SLC10A6: variants seen among roughly 807,000 people sequenced by gnomAD.
SLC10A6 encodes solute carrier family 10 member 6.
In SLC10A6, 27 loss-of-function variants were observed where a neutral mutation model predicts 30.0. The ratio of observed to expected loss-of-function variants is 0.90; its 90% CI spans 0.66 to 1.24. SLC10A6 has a LOEUF of 1.24. Ranked by LOEUF, SLC10A6 falls within the 50% of genes most tolerant of loss-of-function variation. The pLI is 0.00. For missense variants in SLC10A6, 439 were observed against 457.0 expected (o/e 0.96, Z 0.36); for synonymous variants, 166 against 173.8 (o/e 0.95, Z 0.36).
At chr4:86,831,663 G>C in intron 3 of SLC10A6, 129 bp downstream of exon 3, 1 of 736,048 alleles carries the variant, frequency 1.4e-6, no homozygotes, top group East Asian at 2.7e-5. Context: ...AAAACCACAG[G>C]ATGTGTAAGA....
chr4:86,836,110 C>T (rs570415083), intron 1 of SLC10A6, among the ~76,000 whole-genome samples: 4 of 152,250 alleles, frequency 2.6e-5, no homozygotes, highest in African/African-American at 9.6e-5. Flanking sequence ...ACAACTGAGA[C>T]CATCAGAAGG....
chr4:86,834,466 T>C (rs1019845873), intron 1 of SLC10A6, among the ~76,000 whole-genome samples: 2 of 152,252 alleles, frequency 1.3e-5, no homozygotes, highest in Non-Finnish European at 2.9e-5. Context: ...TCATTCTTTT[T>C]ATGTCCTTAT....
In SLC10A6 at chr4:86,837,343, A is replaced by AAGGAAGGAAGGAAGGAAGGAAGGC. The variant is rs58692864; in HGVS notation, c.378-3920_378-3919insGCCTTCCTTCCTTCCTTCCTTCCT. On this transcript the variant is annotated intron_variant, in intron 1 of 5. Transcript: ENST00000273905. ...GAAGGAAGGAAGGAAGGAAGGAAGG[A>AAGGAAGGAAGGAAGGAAGGAAGGC]AGGCAGGCAGGCAGGCTGGGATTTG... Among the ~76,000 whole-genome samples, 41 of 102,986 alleles carry AAGGAAGGAAGGAAGGAAGGAAGGC rather than the reference A, an allele frequency of 4.0e-4. 3 individuals carry two copies. Among genetic ancestry groups the AAGGAAGGAAGGAAGGAAGGAAGGC allele is most frequent in the Non-Finnish European group, 6.8e-4 (34 of 49,700 alleles). The allele number at this position is 102,986 out of a possible 152,430, so 67.6% of individuals were successfully genotyped here.
At chr4:86,831,355 A>G (rs1244632210) in intron 3 of SLC10A6, among the ~76,000 whole-genome samples, 1 of 152,132 alleles carries the variant, frequency 6.6e-6, no homozygotes, top group Non-Finnish European at 1.5e-5. Context: ...TTTGGCCGTG[A>G]CCCCAGGAAT....
chr4:86,842,854 C>CTTTCTT (rs1746324887), intron 1 of SLC10A6, among the ~76,000 whole-genome samples: 3 of 32,566 alleles, frequency 9.2e-5, no homozygotes, highest in East Asian at 1.2e-3. Context: ...TTCTTTCTTT[C>CTTTCTT]TTTCTTTCTT....
At chr4:86,833,809 A>T (rs1718481273) in intron 1 of SLC10A6, among the ~76,000 whole-genome samples, 1 of 152,094 alleles carries the variant, frequency 6.6e-6, no homozygotes, top group Admixed American at 6.6e-5. Context: ...TAATAGCACC[A>T]TTTCCAGGAT....
intron 1 of SLC10A6, among the ~76,000 whole-genome samples, chr4:86,838,010 C>G (rs1308274133): frequency 2.0e-5 from 3 of 152,202 alleles, no homozygotes; most frequent in Non-Finnish European, 4.4e-5. Context: ...ATCACCATTG[C>G]TTCCATCCAA....
chr4:86,832,284 C>T (rs1054216662), intron 2 of SLC10A6, among the ~76,000 whole-genome samples: 8 of 152,120 alleles, frequency 5.3e-5, no homozygotes, highest in East Asian at 1.9e-4. Context: ...TTACCTGAGA[C>T]ACCAGATTGA....
intron 1 of SLC10A6, among the ~76,000 whole-genome samples, chr4:86,837,907 C>T (rs1201576492): frequency 2.6e-5 from 4 of 152,158 alleles, no homozygotes; most frequent in Admixed American, 6.5e-5. Flanking sequence ...AGGGAGGAGG[C>T]CCTTCATACG....
intron 4 of SLC10A6, 80 bp from the exon 5 acceptor site, chr4:86,825,657 A>G (rs1475286113): frequency 5.9e-6 from 8 of 1,367,390 alleles, no homozygotes; most frequent in Non-Finnish European, 9.9e-7. Context: ...CATCATAACA[A>G]TTAGAAGCTA....
intron 1 of SLC10A6, among the ~76,000 whole-genome samples, chr4:86,839,903 A>ATTTTTTTTTTTTTTTT: frequency 7.0e-6 from 1 of 142,240 alleles, no homozygotes; most frequent in Non-Finnish European, 1.5e-5. Flanking sequence ...TTACACTCTT[A>ATTTTTTTTTTTTTTTT]TTTTTTTTTT....
At position 86,849,205 on chromosome 4, in the gene SLC10A6, G is replaced by T; in HGVS notation, c.-90C>A. 7.0e-7 allele frequency: 1 copy of T among 1,428,376 alleles called. No homozygotes were observed. Among genetic ancestry groups the T allele is most frequent in the Non-Finnish European group, 9.5e-7 (1 of 1,056,454 alleles). The allele number at this position is 1,428,376 out of a possible 1,614,324, so 88.5% of individuals were successfully genotyped here. A position where few individuals can be genotyped will look rare whatever the true frequency, so the allele number is the denominator to read the frequency against. Reference sequence around the variant, plus strand: ...CTGCCACATTTTGTAATAGTGCAACGAAGTCACACATGGAGAATCATTCCA... The same window carrying T: ...CTGCCACATTTTGTAATAGTGCAACTAAGTCACACATGGAGAATCATTCCA... On this transcript the variant is annotated 5_prime_UTR_variant, in exon 1 of 6. Transcript: ENST00000273905.
chr4:86,829,316 C>G (rs1746042922), intron 3 of SLC10A6, among the ~76,000 whole-genome samples: 1 of 152,094 alleles, frequency 6.6e-6, no homozygotes, highest in Admixed American at 6.5e-5. Context: ...GAGGCTGAGG[C>G]AGGAGAATTA....
chr4:86,847,866 A>G (rs978427257), intron 1 of SLC10A6, among the ~76,000 whole-genome samples: 12 of 152,204 alleles, frequency 7.9e-5, no homozygotes, highest in Admixed American at 7.9e-4. Context: ...GTGAAACGGC[A>G]TGTTCACAAG....
intron 1 of SLC10A6, among the ~76,000 whole-genome samples, chr4:86,848,034 G>A (rs1340000431): frequency 6.6e-6 from 1 of 151,992 alleles, no homozygotes; most frequent in Non-Finnish European, 1.5e-5. Flanking sequence ...AAGGGACAAG[G>A]CTTAATGTCT....
chr4:86,840,938 T>C (rs1444441833), intron 1 of SLC10A6, among the ~76,000 whole-genome samples: 1 of 152,348 alleles, frequency 6.6e-6, no homozygotes, highest in East Asian at 1.9e-4. Flanking sequence ...CAAAGATTTC[T>C]TCCTGACTAG....
In SLC10A6 at chr4:86,848,761, C is replaced by T; in HGVS notation, c.355G>A (p.Val119Ile). 2 of 1,599,604 alleles carry T rather than the reference C, an allele frequency of 1.3e-6. No homozygotes were observed. Among genetic ancestry groups the T allele is most frequent in the South Asian group, 1.1e-5 (1 of 87,592 alleles). The change falls in exon 1 of 6, where the codon GTT becomes ATT. Residue 119 changes from valine (V) to isoleucine (I), a missense_variant. Coordinates refer to ENST00000273905, the MANE Select transcript of SLC10A6 (RefSeq NM_197965.3). ...GTISNIFTFW[V>I]DGDMDLSISM... Reference sequence around the variant, plus strand: ...TACCTGAGATCCATATCTCCATCAACCCAGAAGGTGAAAATGTTAGAGATG... The same window carrying T: ...TACCTGAGATCCATATCTCCATCAATCCAGAAGGTGAAAATGTTAGAGATG...
At chr4:86,845,919 G>C (rs890571777) in intron 1 of SLC10A6, among the ~76,000 whole-genome samples, 1 of 152,194 alleles carries the variant, frequency 6.6e-6, no homozygotes. Flanking sequence ...ATGCCTGTGT[G>C]GGGTGAACAC....
In SLC10A6 at chr4:86,833,090, C is replaced by G. The variant is rs555863647; in HGVS notation, c.496+216G>C. On this transcript the variant is annotated intron_variant, in intron 2 of 5. Transcript: ENST00000273905. ...GGTTAGAACTCCAGTTCCGTACTTA[C>G]CAGCTGCATAATCTTGATCAAGTTA... is the stretch of plus-strand genomic sequence containing the variant. 1.2e-4 allele frequency among the ~76,000 whole-genome samples: 18 copies of G among 152,044 alleles called. 1 individual carries two copies. In the South Asian group the frequency reaches 3.5e-3, roughly 30 times the overall value.
Sources: gnomAD v4.1 joint callset for allele counts (sites outside exome capture counted in the v4.1 genomes callset) on GRCh38, gnomAD v4.1.1 for gene constraint, MANE v1.5 for transcripts, NCBI Gene and HGNC (gene_info 2026-07-23, HGNC 2026-07-21) for gene names.